KCNK2: variants seen among roughly 807,000 people sequenced by gnomAD.
KCNK2 encodes the protein potassium channel subfamily K member 2.
KCNK2 carries 21 observed loss-of-function variants against 40.5 expected under a neutral mutation model. That is an observed-to-expected ratio of 0.52 (90% confidence interval 0.37 to 0.75). The LOEUF is 0.75. KCNK2 is among the 30% of genes least tolerant of loss of function. The pLI, the probability that KCNK2 is intolerant of heterozygous loss-of-function variation, is 0.00. For synonymous variants in KCNK2, 191 were observed against 202.2 expected (o/e 0.94, Z 0.47); for missense variants, 399 against 531.6 (o/e 0.75, Z 2.45).
At chr1:215,049,723 GAA>G (rs1231060150) in intron 1 of KCNK2, among the ~76,000 whole-genome samples, 2 of 152,084 alleles carry the variant, frequency 1.3e-5, no homozygotes, top group African/African-American at 4.8e-5. Flanking sequence ...TTTAGCCAAT[GAA>G]AGTCCACTTG....
rs1326828557 is a variant in KCNK2, at chr1:215,026,851, T to TA, written c.34+20897dup. ...GTGTATGTGTAAACAAACATATACA[T>TA]ACGTCCTTATCTTAGGAAGACTAAT... On this transcript the variant is annotated intron_variant, in intron 1 of 6. Transcript: ENST00000391895. Among the ~76,000 whole-genome samples the TA allele has an allele frequency of 3.9e-5, 6 of 152,198 alleles. No homozygotes were observed. The East Asian group carries it at 1.2e-3, about 29-fold the overall frequency.
chr1:215,132,450 T>C (rs751033325), intron 3 of KCNK2, among the ~76,000 whole-genome samples: 1 of 152,232 alleles, frequency 6.6e-6, no homozygotes, highest in Non-Finnish European at 1.5e-5. Context: ...GGGAGTCCAT[T>C]GAGGTTCTCT....
intron 3 of KCNK2, among the ~76,000 whole-genome samples, chr1:215,126,360 G>A (rs1278150877): frequency 4.6e-5 from 7 of 152,124 alleles, no homozygotes; most frequent in African/African-American, 9.7e-5. Flanking sequence ...TTGTGTGGCT[G>A]TGAAAATCTG....
At chr1:215,007,184 GGTATAT>G (rs1656202004) in intron 1 of KCNK2, among the ~76,000 whole-genome samples, 1 of 16,218 alleles carries the variant, frequency 6.2e-5, no homozygotes, top group Non-Finnish European at 1.6e-4. Flanking sequence ...TATGTGTGTG[GGTATAT>G]ATATATATAT....
intron 5 of KCNK2, among the ~76,000 whole-genome samples, chr1:215,194,572 A>G (rs1169137100): frequency 6.6e-6 from 1 of 152,168 alleles, no homozygotes; most frequent in Non-Finnish European, 1.5e-5. Flanking sequence ...AGTTAAATGC[A>G]CACCAATAAA....
chr1:215,024,181 C>T (rs1656915082), intron 1 of KCNK2, among the ~76,000 whole-genome samples: 1 of 152,184 alleles, frequency 6.6e-6, no homozygotes, highest in African/African-American at 2.4e-5. Flanking sequence ...ACCCTGTGGA[C>T]TCACTGGAAC....
upstream of KCNK2, among the ~76,000 whole-genome samples, chr1:215,081,171 GTGT>G (rs1441377775): frequency 8.4e-6 from 1 of 118,966 alleles, no homozygotes; most frequent in Non-Finnish European, 1.9e-5. Flanking sequence ...GCAAATGTGT[GTGT>G]GTGTGTGTGT....
chr1:215,214,603 A>T (rs1243044157), intron 6 of KCNK2, among the ~76,000 whole-genome samples: 1 of 152,148 alleles, frequency 6.6e-6, no homozygotes, highest in East Asian at 1.9e-4. Flanking sequence ...AGGCAGGTAG[A>T]TCCCTTGAGC....
chr1:215,191,502 G>C (rs1664666265), intron 5 of KCNK2, among the ~76,000 whole-genome samples: 1 of 151,960 alleles, frequency 6.6e-6, no homozygotes, highest in African/African-American at 2.4e-5. Flanking sequence ...ATTTTTTGTA[G>C]TTTAATCTAC....
Position 215,148,009 on chromosome 1 carries a change from T to G in KCNK2, c.476-21190T>G, listed in dbSNP as rs187141446. ...CCCTGTATTATTAATGTTGTTTTTC[T>G]GCCTCTAAAGTAATTTAAATGGTTC... On this transcript the variant is annotated intron_variant, in intron 3 of 6. Transcript: ENST00000444842. Among the ~76,000 whole-genome samples the G allele has an allele frequency of 3.7e-4, 57 of 152,114 alleles. No individual in the cohort carries two copies. In the East Asian group the frequency reaches 6.0e-3, roughly 16 times the overall value.
intron 3 of KCNK2, among the ~76,000 whole-genome samples, chr1:215,141,555 C>T (rs528443180): frequency 6.6e-6 from 1 of 152,120 alleles, no homozygotes; most frequent in South Asian, 2.1e-4. Flanking sequence ...TTTATATAAC[C>T]CTCAGATACT....
At chr1:215,041,277 G>C (rs1657552723) in intron 1 of KCNK2, among the ~76,000 whole-genome samples, 1 of 152,078 alleles carries the variant, frequency 6.6e-6, no homozygotes, top group Non-Finnish European at 1.5e-5. Flanking sequence ...ATAAACTGAG[G>C]ATAATAAAAG....
intron 2 of KCNK2, among the ~76,000 whole-genome samples, chr1:215,087,603 C>A (rs1659503236): frequency 6.6e-6 from 1 of 152,202 alleles, no homozygotes; most frequent in Non-Finnish European, 1.5e-5. Flanking sequence ...TAATTGTATA[C>A]ACATTTGTTT....
chr1:215,080,830 A>T (rs1425517497), upstream of KCNK2, among the ~76,000 whole-genome samples: 1 of 152,206 alleles, frequency 6.6e-6, no homozygotes. Context: ...TGTCAACTTG[A>T]CTAGGCTACA....
At chr1:215,190,930 T>C (rs1664638369) in intron 5 of KCNK2, among the ~76,000 whole-genome samples, 1 of 152,082 alleles carries the variant, frequency 6.6e-6, no homozygotes, top group Non-Finnish European at 1.5e-5. Context: ...GAAATGAGCA[T>C]ATTAACTGGG....
chr1:215,109,722 C>G (rs911194329), intron 2 of KCNK2, among the ~76,000 whole-genome samples: 4 of 151,948 alleles, frequency 2.6e-5, no homozygotes, highest in Non-Finnish European at 5.9e-5. Flanking sequence ...ATATTGATTT[C>G]TTTTCTTTTG....
chr1:215,025,547 A>T (rs1656973680), intron 1 of KCNK2, among the ~76,000 whole-genome samples: 1 of 152,104 alleles, frequency 6.6e-6, no homozygotes. Flanking sequence ...TTATTTCAAA[A>T]GATTCCCTAA....
chr1:215,109,289 C>T lies in KCNK2; in HGVS notation c.358-15344C>T, dbSNP rs565468552. Among the ~76,000 whole-genome samples the T allele has an allele frequency of 6.2e-4, 95 of 152,122 alleles. 1 individual carries two copies. The highest frequency in any genetic ancestry group is 2.1e-3 in the African/African-American group (88 of 41,518). On this transcript the variant is annotated intron_variant, in intron 2 of 6. Transcript: ENST00000444842. ...CCTATTCTGCTGTCAAACATTAGAA[C>T]TTATTTTTTCTGCCTACATATATGA...
At chr1:215,029,524 T>C (rs1657112090) in intron 1 of KCNK2, among the ~76,000 whole-genome samples, 1 of 147,428 alleles carries the variant, frequency 6.8e-6, no homozygotes, top group Non-Finnish European at 1.5e-5. Flanking sequence ...ATTTAGATAT[T>C]TAAATATAAA....
Sources: allele counts gnomAD v4.1 joint callset (sites outside exome capture counted in the v4.1 genomes callset), GRCh38; gene constraint gnomAD v4.1.1; transcripts MANE v1.5; gene names NCBI Gene and HGNC (gene_info 2026-07-23, HGNC 2026-07-21).